The following CPNE4 variants were observed in gnomAD, a reference collection of about 807,000 sequenced individuals.
CPNE4 encodes copine 4, also known as copine-4.
Under a neutral mutation model 67.9 loss-of-function variants are expected in CPNE4, and 25 were observed. The ratio of observed to expected loss-of-function variants is 0.37; its 90% CI spans 0.27 to 0.51. The LOEUF (loss-of-function observed/expected upper bound fraction) is 0.51, where lower values mean the gene tolerates loss of function less well. CPNE4 is among the 20% of genes least tolerant of loss of function. The pLI is 0.93. For missense variants in CPNE4, 464 were observed against 690.8 expected, an observed-to-expected ratio of 0.67 and a Z score of 3.68; for synonymous variants, 242 against 244.9, an observed-to-expected ratio of 0.99 and a Z score of 0.11.
At chr3:131,728,896 C>A (rs1017789114) in intron 2 of CPNE4, among the ~76,000 whole-genome samples, 9 of 80,904 alleles carry the variant, frequency 1.1e-4, no homozygotes, top group African/African-American at 3.1e-4. Flanking sequence ...GGCAACAGAG[C>A]CTCAAAAAAA....
At chr3:131,925,455 G>A (rs145891808) in intron 1 of CPNE4, 2 of 152,236 alleles carry the variant, frequency 1.3e-5, no homozygotes, top group African/African-American at 4.8e-5. Flanking sequence ...TAACCTCCAT[G>A]AGGGTATAGG....
chr3:131,632,531 C>T (rs1202885559), intron 7 of CPNE4, among the ~76,000 whole-genome samples: 2 of 152,150 alleles, frequency 1.3e-5, no homozygotes, highest in African/African-American at 4.8e-5. Flanking sequence ...GAGCAATTTT[C>T]AGTCCTCATC....
chr3:131,926,768 T>C (rs2070906781), intron 1 of CPNE4, among the ~76,000 whole-genome samples: 1 of 152,156 alleles, frequency 6.6e-6, no homozygotes, highest in South Asian at 2.1e-4. Context: ...ATGTTCCATT[T>C]CTCTTCTGTC....
intron 1 of CPNE4, among the ~76,000 whole-genome samples, chr3:131,923,107 A>G (rs2070786193): frequency 6.6e-6 from 1 of 152,170 alleles, no homozygotes; most frequent in South Asian, 2.1e-4. Flanking sequence ...CTGTAAAGAA[A>G]TTAGCTCATG....
At chr3:131,741,117 C>T (rs2082346879) in intron 2 of CPNE4, among the ~76,000 whole-genome samples, 1 of 152,172 alleles carries the variant, frequency 6.6e-6, no homozygotes, top group Non-Finnish European at 1.5e-5. Flanking sequence ...TAATTTTTCT[C>T]CTTAGCACTT....
chr3:131,631,739 T>A (rs2079226395), intron 7 of CPNE4, among the ~76,000 whole-genome samples: 2 of 151,996 alleles, frequency 1.3e-5, no homozygotes, highest in Non-Finnish European at 2.9e-5. Context: ...TAGTAGTTTT[T>A]GTGTGGGGGA....
chr3:131,857,852 A>G (rs1005140420), intron 2 of CPNE4, among the ~76,000 whole-genome samples: 1 of 152,006 alleles, frequency 6.6e-6, no homozygotes, highest in Non-Finnish European at 1.5e-5. Context: ...CATTTCTCCT[A>G]ACAACATAGC....
chr3:131,644,917 T>G (rs1035988654), intron 7 of CPNE4, among the ~76,000 whole-genome samples: 1 of 152,190 alleles, frequency 6.6e-6, no homozygotes, highest in Non-Finnish European at 1.5e-5. Context: ...ATAATTTAAT[T>G]GCAGGTCAAT....
At chr3:132,005,518 A>G (rs2073576292) in intron 1 of CPNE4, among the ~76,000 whole-genome samples, 1 of 151,870 alleles carries the variant, frequency 6.6e-6, no homozygotes, top group Admixed American at 6.6e-5. Flanking sequence ...TGAAGGGACC[A>G]AAAGCATGAG....
chr3:131,766,670 T>C (rs1054066381), intron 2 of CPNE4, among the ~76,000 whole-genome samples: 1 of 152,062 alleles, frequency 6.6e-6, no homozygotes, highest in Non-Finnish European at 1.5e-5. Context: ...ATAACACAAT[T>C]TGATGTTATA....
chr3:131,957,347 G>A (rs185330436), intron 1 of CPNE4, among the ~76,000 whole-genome samples: 2 of 152,310 alleles, frequency 1.3e-5, no homozygotes, highest in Non-Finnish European at 2.9e-5. Context: ...TTTCCAGAGT[G>A]TACACTAGCA....
intron 2 of CPNE4, among the ~76,000 whole-genome samples, chr3:131,873,817 C>T (rs936555443): frequency 6.6e-6 from 1 of 152,154 alleles, no homozygotes; most frequent in Non-Finnish European, 1.5e-5. Flanking sequence ...TCCTGTGTAC[C>T]TTCTCCCTGG....
chr3:131,855,621 T>C (rs16837917), intron 2 of CPNE4, among the ~76,000 whole-genome samples: 347 of 152,136 alleles, frequency 2.3e-3, no homozygotes, highest in African/African-American at 7.8e-3. Flanking sequence ...ACTCATTCCT[T>C]GCACAGTTAG....
intron 7 of CPNE4, among the ~76,000 whole-genome samples, chr3:131,602,023 A>T (rs755547931): frequency 5.9e-5 from 9 of 152,194 alleles, no homozygotes; most frequent in Non-Finnish European, 1.2e-4. Context: ...TTTATGTCTA[A>T]GAATTTAGTA....
At chr3:131,625,374 G>A (rs1281442137) in intron 7 of CPNE4, among the ~76,000 whole-genome samples, 1 of 152,008 alleles carries the variant, frequency 6.6e-6, no homozygotes, top group Non-Finnish European at 1.5e-5. Flanking sequence ...ATTGAAGGAA[G>A]CACCATTATT....
At chr3:131,571,772 G>A (rs576028810) in intron 10 of CPNE4, among the ~76,000 whole-genome samples, 2 of 151,918 alleles carry the variant, frequency 1.3e-5, no homozygotes, top group South Asian at 2.1e-4. Flanking sequence ...TTGCTTCAAG[G>A]CCCTCGTCAA....
chr3:132,022,425 T>G (rs1246490192), intron 1 of CPNE4, among the ~76,000 whole-genome samples: 2 of 152,084 alleles, frequency 1.3e-5, no homozygotes, highest in Non-Finnish European at 2.9e-5. Flanking sequence ...TCCCAGGAGG[T>G]GGCCCCTCAT....
intron 1 of CPNE4, among the ~76,000 whole-genome samples, chr3:132,002,315 G>A (rs576048974): frequency 8.9e-4 from 136 of 152,242 alleles, no homozygotes; most frequent in African/African-American, 3.2e-3. Context: ...AAAGGCCAGT[G>A]ACAGGAACTA....
chr3:131,717,584 G>A (rs1305214663), intron 3 of CPNE4, among the ~76,000 whole-genome samples: 15 of 152,154 alleles, frequency 9.9e-5, no homozygotes, highest in Non-Finnish European at 2.9e-5. Context: ...TCCTGGGCAA[G>A]ATTGATTTCC....
Sources: allele counts gnomAD v4.1 joint callset (sites outside exome capture counted in the v4.1 genomes callset), GRCh38; gene constraint gnomAD v4.1.1; transcripts MANE v1.5; gene names NCBI Gene and HGNC (gene_info 2026-07-23, HGNC 2026-07-21).